ABCG2: variants seen among roughly 807,000 people sequenced by gnomAD.
ABCG2 encodes the protein broad substrate specificity ATP-binding cassette transporter ABCG2.
A neutral mutation model predicts 73.5 loss-of-function variants in ABCG2; 80 were observed. The observed-to-expected ratio is 1.09, with a 90% CI of 0.91 to 1.31. The LOEUF is 1.31. Ranked by LOEUF, ABCG2 falls within the 50% of genes most tolerant of loss-of-function variation. The pLI is 0.00. For missense variants in ABCG2, 796 were observed against 786.2 expected, an observed-to-expected ratio of 1.01 and a Z score of -0.15; for synonymous variants, 269 against 282.4, an observed-to-expected ratio of 0.95 and a Z score of 0.48.
At position 88,155,304 on chromosome 4, in the gene ABCG2, G is replaced by T. The variant is rs144587525; in HGVS notation, c.-20+3082C>A. Reference sequence around the variant, plus strand: ...AGAGATCAGTCAGACACGATTGGCAGGGAGAGCACGTGTGTTTTTATGAAG... The same window carrying T: ...AGAGATCAGTCAGACACGATTGGCATGGAGAGCACGTGTGTTTTTATGAAG... On this transcript the variant is annotated intron_variant, in intron 1 of 15. Coordinates refer to ENST00000237612, the MANE Select transcript of ABCG2 (RefSeq NM_004827.3). Among the ~76,000 whole-genome samples the T allele has an allele frequency of 7.8e-3, 1,184 of 152,290 alleles. 22 individuals carry two copies. Among genetic ancestry groups the T allele is most frequent in the African/African-American group, 0.027 (1,128 of 41,564 alleles).
intron 1 of ABCG2, among the ~76,000 whole-genome samples, chr4:88,224,904 G>A (rs1427860122): frequency 6.6e-6 from 1 of 152,070 alleles, no homozygotes; most frequent in East Asian, 1.9e-4. Flanking sequence ...TTTTGCATGT[G>A]GCTATCCAGT....
chr4:88,201,826 T>A (rs1422076976), intron 1 of ABCG2: 3 of 152,182 alleles, frequency 2.0e-5, no homozygotes, highest in African/African-American at 4.8e-5. Context: ...ACATATTTTT[T>A]AAAAATGCAG....
intron 12 of ABCG2, among the ~76,000 whole-genome samples, chr4:88,098,606 G>GTA (rs1203140012): frequency 3.2e-4 from 46 of 142,360 alleles, no homozygotes; most frequent in Non-Finnish European, 5.8e-4. Context: ...CTAAGTGTGT[G>GTA]TGTGTATATA....
intron 5 of ABCG2, among the ~76,000 whole-genome samples, chr4:88,130,348 T>C (rs1031660958): frequency 4.0e-5 from 6 of 151,892 alleles, no homozygotes; most frequent in Admixed American, 3.9e-4. Flanking sequence ...GAGAATCTAA[T>C]GCCTGATGAT....
At chr4:88,103,538 TAA>T (rs1722583499) in intron 10 of ABCG2, among the ~76,000 whole-genome samples, 1 of 152,254 alleles carries the variant, frequency 6.6e-6, no homozygotes, top group Non-Finnish European at 1.5e-5. Context: ...TAAATCAAGC[TAA>T]TTAACACATC....
intron 9 of ABCG2, among the ~76,000 whole-genome samples, chr4:88,110,808 C>T (rs1723083518): frequency 7.2e-6 from 1 of 138,066 alleles, no homozygotes. Context: ...CTACCTGATC[C>T]TTTACAAAAA....
At chr4:88,160,512 A>G (rs763116705), upstream of ABCG2, among the ~76,000 whole-genome samples, 37 of 152,232 alleles carry the variant, frequency 2.4e-4, no homozygotes, top group Non-Finnish European at 4.0e-4. Flanking sequence ...TACTTAGTTG[A>G]ATATAGCATT....
At chr4:88,131,244 AATG>A in intron 4 of ABCG2, 31 bp from the exon 5 acceptor site, 1 of 1,607,210 alleles carries the variant, frequency 6.2e-7, no homozygotes, top group African/African-American at 1.3e-5. Context: ...AATGAGACAT[AATG>A]ATAATGAGTC....
At chr4:88,152,459 T>C (rs1726563235) in intron 1 of ABCG2, among the ~76,000 whole-genome samples, 1 of 151,880 alleles carries the variant, frequency 6.6e-6, no homozygotes, top group Non-Finnish European at 1.5e-5. Context: ...GGCCATTTCA[T>C]AAGATTTGGG....
At chr4:88,151,845 A>T (rs772820315) in intron 1 of ABCG2, among the ~76,000 whole-genome samples, 12 of 152,176 alleles carry the variant, frequency 7.9e-5, no homozygotes, top group South Asian at 2.1e-4. Context: ...CAGTATACAA[A>T]GATATAAAAG....
intron 12 of ABCG2, 40 bp downstream of exon 12, chr4:88,099,284 G>T: frequency 6.6e-7 from 1 of 1,524,514 alleles, no homozygotes. Context: ...CCATAGGCAA[G>T]ACTAAAGACA....
chr4:88,126,369 T>G (rs1468142555), intron 5 of ABCG2, among the ~76,000 whole-genome samples: 1 of 152,206 alleles, frequency 6.6e-6, no homozygotes, highest in Non-Finnish European at 1.5e-5. Flanking sequence ...CTGGTACCAT[T>G]CCTTCTGAAA....
At chr4:88,186,918 C>CAAA (rs35676506) in intron 1 of ABCG2, among the ~76,000 whole-genome samples, 1 of 76,340 alleles carries the variant, frequency 1.3e-5, no homozygotes, top group African/African-American at 5.9e-5. Flanking sequence ...GACTCCGTCT[C>CAAA]AAAAAAAAAA....
chr4:88,122,633 G>C (rs545894716), intron 5 of ABCG2, among the ~76,000 whole-genome samples: 51 of 152,298 alleles, frequency 3.3e-4, no homozygotes, highest in Non-Finnish European at 5.9e-4. Context: ...TCTATGCAGG[G>C]CATCTCTGAA....
chr4:88,225,349 C>A (rs184199774), intron 1 of ABCG2, among the ~76,000 whole-genome samples: 107 of 152,160 alleles, frequency 7.0e-4, no homozygotes, highest in African/African-American at 2.5e-3. Context: ...GTCACAAAGG[C>A]AGTAGTTTGC....
At position 88,139,784 on chromosome 4, in the gene ABCG2, T is replaced by G. The variant is rs752808611; in HGVS notation, c.203+9A>C. 53 of 1,611,492 alleles carry G rather than the reference T, an allele frequency of 3.3e-5. No individual in the cohort carries two copies. Among genetic ancestry groups the G allele is most frequent in the Admixed American group, 1.0e-4 (6 of 59,834 alleles). ...AAAAAGCTGTCTTTTTACAAGTTCA[T>G]GTACATACTTGATATTCGATAATAT... On this transcript the variant is annotated intron_variant, in intron 2 of 15. Coordinates refer to ENST00000237612, the MANE Select transcript of ABCG2 (RefSeq NM_004827.3).
At position 88,142,606 on chromosome 4, in the gene ABCG2, G is replaced by T. The variant is rs181812509; in HGVS notation, c.-19-2592C>A. 3.3e-4 allele frequency among the ~76,000 whole-genome samples: 51 copies of T among 152,246 alleles called. 1 individual carries two copies. Among genetic ancestry groups the T allele is most frequent in the Admixed American group, 5.2e-4 (8 of 15,282 alleles). ...AGGCACAAGTACAGTCAGCAGCCCT[G>T]TCCTTGAGTTCTGCATCTGAAGATT... On this transcript the variant is annotated intron_variant, in intron 1 of 15. Transcript: ENST00000237612.
intron 13 of ABCG2, 114 bp downstream of exon 13, chr4:88,097,339 G>A: frequency 8.2e-7 from 1 of 1,223,372 alleles, no homozygotes; most frequent in East Asian, 2.5e-5. Context: ...CTTAAGTAAA[G>A]CAGAGCCCCA....
At chr4:88,203,004 T>C (rs1220317320) in intron 1 of ABCG2, among the ~76,000 whole-genome samples, 1 of 152,230 alleles carries the variant, frequency 6.6e-6, no homozygotes, top group Non-Finnish European at 1.5e-5. Flanking sequence ...ATAGGGTAGG[T>C]TTCCATTTAA....
Sources: allele counts gnomAD v4.1 joint callset (sites outside exome capture counted in the v4.1 genomes callset), GRCh38; gene constraint gnomAD v4.1.1; transcripts MANE v1.5; gene names NCBI Gene and HGNC (gene_info 2026-07-23, HGNC 2026-07-21).